Variants in SHISA9 observed in about 807,000 individuals in gnomAD.
The protein encoded by SHISA9 is protein shisa-9.
In SHISA9, 13 loss-of-function variants were observed where a neutral mutation model predicts 38.0. That is an observed-to-expected ratio of 0.34 (90% CI 0.22 to 0.54). SHISA9 has a LOEUF of 0.54. SHISA9 is among the 20% of genes least tolerant of loss of function. The pLI, the probability that SHISA9 is intolerant of heterozygous loss-of-function variation, is 0.91. For missense variants in SHISA9, 538 were observed against 575.8 expected, an observed-to-expected ratio of 0.93 and a Z score of 0.67; for synonymous variants, 275 against 242.0, an observed-to-expected ratio of 1.14 and a Z score of -1.27.
chr16:13,357,810 G>T, the SHISA9 span, among the ~76,000 whole-genome samples: 2 of 151,074 alleles, frequency 1.3e-5, no homozygotes, highest in Admixed American at 1.3e-4. Context: ...AGTGGGGGTC[G>T]CAAGGTGCTC....
the SHISA9 span, among the ~76,000 whole-genome samples, chr16:13,475,589 C>T: frequency 3.9e-5 from 6 of 152,016 alleles, no homozygotes; most frequent in African/African-American, 1.2e-4. Context: ...CACCAGGGAC[C>T]GGTTTCATGG....
the SHISA9 span, among the ~76,000 whole-genome samples, chr16:13,363,872 G>A: frequency 6.6e-6 from 1 of 152,156 alleles, no homozygotes; most frequent in African/African-American, 2.4e-5. Flanking sequence ...GTAGTCCAAA[G>A]ACCAGAAATA....
the SHISA9 span, among the ~76,000 whole-genome samples, chr16:13,489,413 A>AT: frequency 1.3e-5 from 2 of 151,706 alleles, no homozygotes; most frequent in Non-Finnish European, 2.9e-5. Context: ...GTGTGTATAT[A>AT]TTTTTTTTCT....
chr16:13,208,840 C>A (rs1049125057), intron 3 of SHISA9, among the ~76,000 whole-genome samples: 26 of 152,172 alleles, frequency 1.7e-4, no homozygotes, highest in Admixed American at 7.9e-4. Flanking sequence ...ATCCCCAGCA[C>A]CTAGTGTCAT....
rs564294047 is a variant in SHISA9, at chr16:13,118,533, A to C, written c.692-84861A>C. ...CAGTGCTTCCCAAAAGGTGAGGTGCATGTGGATCACCTGGAGGATTGTGCT... is the reference window on the plus strand; with the variant it reads ...CAGTGCTTCCCAAAAGGTGAGGTGCCTGTGGATCACCTGGAGGATTGTGCT... On this transcript the variant is annotated intron_variant, in intron 2 of 4. Coordinates refer to ENST00000558583, the MANE Select transcript of SHISA9 (RefSeq NM_001145204.3). Among the ~76,000 whole-genome samples, 128 of 152,256 alleles carry C rather than the reference A, an allele frequency of 8.4e-4. 3 individuals carry two copies. The South Asian group carries it at 0.026, about 30-fold the overall frequency.
intron 2 of SHISA9, among the ~76,000 whole-genome samples, chr16:13,139,394 T>TTCCTTCCTTCCTTCCTTCCTTCCTTCC (rs2050378798): frequency 1.1e-5 from 1 of 94,992 alleles, no homozygotes; most frequent in African/African-American, 4.6e-5. Context: ...CCCTTCCTTC[T>TTCCTTCCTTCCTTCCTTCCTTCCTTCC]TTCCTTCCTT....
the SHISA9 span, among the ~76,000 whole-genome samples, chr16:13,461,166 A>G: frequency 0.32 from 48,883 of 152,058 alleles, 8,064 homozygotes; most frequent in South Asian, 0.48. Flanking sequence ...AGCTCTCCCA[A>G]CCTGTGCACA....
At chr16:13,294,164 A>C in the SHISA9 span, among the ~76,000 whole-genome samples, 5 of 152,176 alleles carry the variant, frequency 3.3e-5, no homozygotes, top group Non-Finnish European at 7.3e-5. Context: ...AAGGGGTTTC[A>C]TTGGCCAGTT....
the SHISA9 span, among the ~76,000 whole-genome samples, chr16:13,523,067 G>C: frequency 6.6e-6 from 1 of 152,118 alleles, no homozygotes; most frequent in Non-Finnish European, 1.5e-5. Flanking sequence ...GAAGACCCAG[G>C]CCAGGCTCGG....
At chr16:13,498,242 C>T in the SHISA9 span, among the ~76,000 whole-genome samples, 1 of 151,846 alleles carries the variant, frequency 6.6e-6, no homozygotes, top group Non-Finnish European at 1.5e-5. Context: ...TTCAGATAAA[C>T]AAAAATTTTT....
chr16:13,019,861 TCCCTCCCTCCCTCCCTCCCTC>T (rs1567183951), intron 2 of SHISA9, among the ~76,000 whole-genome samples: 2 of 28,254 alleles, frequency 7.1e-5, no homozygotes, highest in Admixed American at 4.6e-4. Flanking sequence ...CCTCCCTCCC[TCCCTCCCTCCCTCCCTCCCTC>T]CCTTCTTTCT....
intron 2 of SHISA9, among the ~76,000 whole-genome samples, chr16:13,008,746 A>G (rs994766262): frequency 6.7e-5 from 10 of 148,598 alleles, no homozygotes; most frequent in Admixed American, 6.2e-4. Context: ...TTCCACCATG[A>G]TTGTAAGTTT....
At chr16:13,484,614 A>G in the SHISA9 span, among the ~76,000 whole-genome samples, 2 of 152,282 alleles carry the variant, frequency 1.3e-5, no homozygotes, top group Non-Finnish European at 2.9e-5. Flanking sequence ...GTAAAAAACT[A>G]CCTGAGACTG....
chr16:13,087,000 T>C (rs1044006188), intron 2 of SHISA9, among the ~76,000 whole-genome samples: 5 of 148,604 alleles, frequency 3.4e-5, no homozygotes, highest in Non-Finnish European at 7.5e-5. Context: ...TGTGTGATGT[T>C]CCCCGCCCTG....
At chr16:13,526,937 ACTT>A in the SHISA9 span, among the ~76,000 whole-genome samples, 1 of 151,826 alleles carries the variant, frequency 6.6e-6, no homozygotes, top group Non-Finnish European at 1.5e-5. Flanking sequence ...TAACCGAATG[ACTT>A]CTTTTTTTAG....
chr16:13,079,064 C>CTAA (rs2073617432), intron 2 of SHISA9, among the ~76,000 whole-genome samples: 1 of 152,206 alleles, frequency 6.6e-6, no homozygotes, highest in Admixed American at 6.5e-5. Flanking sequence ...TGATTCCCTC[C>CTAA]TCTTTAAAAC....
intron 4 of SHISA9, among the ~76,000 whole-genome samples, chr16:13,223,930 G>A (rs750871065): frequency 6.6e-6 from 1 of 152,180 alleles, no homozygotes; most frequent in African/African-American, 2.4e-5. Context: ...GAGTGTGATG[G>A]CCATAACTTG....
At chr16:13,364,729 G>A in the SHISA9 span, among the ~76,000 whole-genome samples, 1 of 152,166 alleles carries the variant, frequency 6.6e-6, no homozygotes, top group South Asian at 2.1e-4. Flanking sequence ...TGAATGGGTG[G>A]TTTCCCTGGA....
intron 2 of SHISA9, among the ~76,000 whole-genome samples, chr16:12,996,022 T>C (rs2072452889): frequency 6.6e-6 from 1 of 152,124 alleles, no homozygotes; most frequent in Admixed American, 6.5e-5. Flanking sequence ...ATGAAGTCTC[T>C]TTGCTCTCAG....
Sources: gnomAD v4.1 joint callset for allele counts (sites outside exome capture counted in the v4.1 genomes callset) on GRCh38, gnomAD v4.1.1 for gene constraint, MANE v1.5 for transcripts, NCBI Gene and HGNC (gene_info 2026-07-23, HGNC 2026-07-21) for gene names.